MYCBPAP: variants seen among roughly 807,000 people sequenced by gnomAD.
MYCBPAP encodes MYCBP-associated protein.
Under a neutral mutation model 106.1 loss-of-function variants are expected in MYCBPAP, and 60 were observed. The ratio of observed to expected loss-of-function variants is 0.57; its 90% confidence interval spans 0.46 to 0.70. The LOEUF (loss-of-function observed/expected upper bound fraction) is 0.70, where lower values mean the gene tolerates loss of function less well. MYCBPAP is among the 30% of genes least tolerant of loss of function. MYCBPAP has a pLI of 0.00. For missense variants in MYCBPAP, 1,064 were observed against 1,169.3 expected (o/e 0.91, Z 1.31); for synonymous variants, 407 against 440.6 (o/e 0.92, Z 0.95).
chr17:50,517,670 G>T lies in MYCBPAP; in HGVS notation c.440G>T (p.Arg147Ile). The T allele has an allele frequency of 6.2e-7, 1 of 1,614,192 alleles. No individual in the cohort carries two copies. Among genetic ancestry groups the T allele is most frequent in the African/African-American group, 1.3e-5 (1 of 75,054 alleles). The change falls in exon 4 of 19, where the codon AGA becomes ATA. Residue 147 changes from arginine (R) to isoleucine (I), a missense_variant. Physicochemically the swap from Arg to Ile is moderately conservative, Grantham distance 97. Transcript: ENST00000323776. ...HILGSLQDFK[R>I]IALARGNTQL... Reference sequence around the variant, plus strand: ...TTGGGGAGTCTCCAGGATTTTAAGAGAATTGCACTTGCTCGAGGGAACACC... The same window carrying T: ...TTGGGGAGTCTCCAGGATTTTAAGATAATTGCACTTGCTCGAGGGAACACC...
intron 1 of MYCBPAP, chr17:50,509,120 A>G (rs1041933352): frequency 2.8e-6 from 2 of 703,040 alleles, no homozygotes; most frequent in African/African-American, 1.7e-5. Context: ...TAGAAGGGCC[A>G]GGAATTGGGG....
intron 1 of MYCBPAP, among the ~76,000 whole-genome samples, chr17:50,512,198 T>C (rs926743047): frequency 6.6e-6 from 1 of 151,796 alleles, no homozygotes; most frequent in Non-Finnish European, 1.5e-5. Flanking sequence ...GGACTACAGG[T>C]GCCCGCCACC....
Position 50,520,948 on chromosome 17 carries a change from G to A in MYCBPAP, c.917-162G>A, listed in dbSNP as rs368522827. 7.7e-5 allele frequency: 47 copies of A among 610,964 alleles called. 1 individual carries two copies. The African/African-American group carries it at 7.7e-4, about 10-fold the overall frequency. The allele number at this position is 610,964 out of a possible 1,614,324, so 37.8% of individuals were successfully genotyped here. A position where few individuals can be genotyped will look rare whatever the true frequency, so the allele number is the denominator to read the frequency against. Reference sequence around the variant, plus strand: ...AGTCTTGTGTAGGGCTGCTGAGGAGGTATAGGACAGGAGAACGGGAGTCTA... The same window carrying A: ...AGTCTTGTGTAGGGCTGCTGAGGAGATATAGGACAGGAGAACGGGAGTCTA... On this transcript the variant is annotated intron_variant, in intron 7 of 18. Transcript: ENST00000323776.
chr17:50,510,499 G>GTGTGTGTGTGTATATA (rs1418345705), intron 1 of MYCBPAP: 7 of 76,422 alleles, frequency 9.2e-5, no homozygotes, highest in African/African-American at 3.2e-4. Context: ...GTGTGTGTGT[G>GTGTGTGTGTGTATATA]TATATATATA....
chr17:50,509,817 C>G (rs976398110), intron 1 of MYCBPAP: 18 of 152,288 alleles, frequency 1.2e-4, no homozygotes, highest in African/African-American at 3.6e-4. Context: ...GAGGAGTAAC[C>G]TGACAAAGGT....
rs146573039 is a variant in MYCBPAP, at chr17:50,517,357, G to A, written c.269G>A (p.Arg90His). 424 of 1,613,994 alleles carry A rather than the reference G, an allele frequency of 2.6e-4. No individual in the cohort carries two copies. Among genetic ancestry groups the A allele is most frequent in the Non-Finnish European group, 3.3e-4 (387 of 1,180,024 alleles). ...GTCATCACCCAGAAATTTATCATCC[G>A]TAAACTCAAACCCATGGATCCTAGG... is the stretch of plus-strand genomic sequence containing the variant. ...KRVITQKFIIRKLKPMDPRRK... is the reference protein window; with the variant it reads ...KRVITQKFIIHKLKPMDPRRK... Residue 90 changes from arginine to histidine, a missense_variant, in exon 3 of 19, where the codon CGT (arginine) becomes CAT (histidine). Arg to His is a conservative substitution (Grantham distance 29, BLOSUM62 0). Coordinates refer to ENST00000323776, the MANE Select transcript of MYCBPAP (RefSeq NM_032133.6).
chr17:50,508,597 T>G lies in MYCBPAP; in HGVS notation c.-78T>G. ...TTGCTGTGGACGCAGTGGCGGCCGT[T>G]GGCTGGCGGGTGCGGCGCAGCCTCG... On this transcript the variant is annotated 5_prime_UTR_variant, in exon 1 of 19. Coordinates refer to ENST00000323776, the MANE Select transcript of MYCBPAP (RefSeq NM_032133.6). 1 of 1,558,130 alleles carries G rather than the reference T, an allele frequency of 6.4e-7. No individual in the cohort carries two copies. Among genetic ancestry groups the G allele is most frequent in the South Asian group, 1.2e-5 (1 of 86,426 alleles).
At chr17:50,528,579 G>A (rs2034532758) in intron 16 of MYCBPAP, 116 bp from the exon 17 acceptor site, 1 of 1,372,044 alleles carries the variant, frequency 7.3e-7, no homozygotes, top group African/African-American at 1.5e-5. Context: ...GCGCCTACCA[G>A]GGCTCAAGGC....
At chr17:50,512,090 C>T (rs1416068032) in intron 1 of MYCBPAP, among the ~76,000 whole-genome samples, 1 of 139,952 alleles carries the variant, frequency 7.1e-6, no homozygotes, top group African/African-American at 2.8e-5. Context: ...CTTGCTCTGT[C>T]GCCCAGGCTC....
At chr17:50,522,823 C>A (rs2034323866) in intron 10 of MYCBPAP, 116 bp from the exon 11 acceptor site, 26 of 986,048 alleles carry the variant, frequency 2.6e-5, no homozygotes, top group Non-Finnish European at 3.6e-5. Flanking sequence ...GCCCTGGAGG[C>A]CTGGGACACG....
Position 50,524,737 on chromosome 17 carries a change from T to TGTGTGAGAGAGAGA in MYCBPAP, c.1636-139_1636-138insTGTGAGAGAGAGAG, listed in dbSNP as rs373928628. Reference sequence around the variant, plus strand: ...GTGTGTGTGTGTGTGTGTGTGTGTGTGAGAGAGAGAGAGAGAGAGAGACAA... The same window carrying TGTGTGAGAGAGAGA: ...GTGTGTGTGTGTGTGTGTGTGTGTGTGTGTGAGAGAGAGAGAGAGAGAGAGAGAGAGAGAGACAA... On this transcript the variant is annotated intron_variant, in intron 12 of 18. Transcript: ENST00000323776. 437 of 463,608 alleles carry TGTGTGAGAGAGAGA rather than the reference T, an allele frequency of 9.4e-4. 3 individuals are homozygous for TGTGTGAGAGAGAGA. Among genetic ancestry groups the TGTGTGAGAGAGAGA allele is most frequent in the African/African-American group, 9.1e-3 (367 of 40,480 alleles). The allele number at this position is 463,608 out of a possible 1,614,324, so 28.7% of individuals were successfully genotyped here. A position where few individuals can be genotyped will look rare whatever the true frequency, so the allele number is the denominator to read the frequency against.
Position 50,508,488 on chromosome 17 carries a change from T to G in MYCBPAP, c.-187T>G, listed in dbSNP as rs1019088784. The G allele has an allele frequency of 1.1e-5, 17 of 1,480,874 alleles. No individual in the cohort carries two copies. The Admixed American group carries it at 1.2e-4, about 11-fold the overall frequency. The allele number at this position is 1,480,874 out of a possible 1,614,324, so 91.7% of individuals were successfully genotyped here. On this transcript the variant is annotated 5_prime_UTR_variant, in exon 1 of 19. Transcript: ENST00000323776. The stretch of plus-strand genomic sequence containing the variant: ...CTTGAAGCCGCCGGCGGCGGGCGCG[T>G]GCGCGGCCCGATGAAGAAGGAGGTT...
At chr17:50,530,444 G>A (rs542027364) in intron 18 of MYCBPAP, 3 of 157,352 alleles carry the variant, frequency 1.9e-5, no homozygotes, top group East Asian at 4.4e-4. Context: ...GCAGTGAGCC[G>A]AGATCACGCC....
chr17:50,515,001 G>A (rs952208251), intron 1 of MYCBPAP: 10 of 340,826 alleles, frequency 2.9e-5, no homozygotes, highest in Admixed American at 2.0e-4. Context: ...GGCTGCTGCT[G>A]TCTCTGGGCT....
chr17:50,528,914 GAGGTGGGCATGTGCCCA>G (rs2034547027), intron 17 of MYCBPAP, 74 bp downstream of exon 17: 1 of 1,600,630 alleles, frequency 6.2e-7, no homozygotes, highest in Admixed American at 1.7e-5. Flanking sequence ...GGGGGCTGTG[GAGGTGGGCATGTGCCCA>G]GGCTCTCCCA....
chr17:50,514,125 G>A (rs1370572662), intron 1 of MYCBPAP, among the ~76,000 whole-genome samples: 2 of 152,208 alleles, frequency 1.3e-5, no homozygotes, highest in Non-Finnish European at 2.9e-5. Context: ...CTGGCCTCAA[G>A]CAATCCTCCC....
intron 18 of MYCBPAP, 136 bp downstream of exon 18, chr17:50,529,324 G>A: frequency 1.3e-6 from 1 of 774,002 alleles, no homozygotes; most frequent in South Asian, 1.9e-5. Flanking sequence ...TCGTGTGTGA[G>A]ACAGGCCTCA....
intron 1 of MYCBPAP, among the ~76,000 whole-genome samples, chr17:50,513,638 C>T (rs2033939430): frequency 6.6e-6 from 1 of 152,180 alleles, no homozygotes; most frequent in Non-Finnish European, 1.5e-5. Flanking sequence ...TCTATTGACA[C>T]GTGGTAATTG....
intron 15 of MYCBPAP, 119 bp from the exon 16 acceptor site, chr17:50,528,036 T>G (rs1597848993): frequency 2.6e-6 from 2 of 781,732 alleles, no homozygotes. Flanking sequence ...TGTTCAGGGG[T>G]GTGGCATTTC....
Sources: allele counts gnomAD v4.1 joint callset (sites outside exome capture counted in the v4.1 genomes callset), GRCh38; gene constraint gnomAD v4.1.1; transcripts MANE v1.5; gene names NCBI Gene and HGNC (gene_info 2026-07-23, HGNC 2026-07-21).